DLGAP2: variants seen among roughly 807,000 people sequenced by gnomAD.
DLGAP2 encodes DLG associated protein 2, also known as disks large-associated protein 2.
In DLGAP2, 26 loss-of-function variants were observed where a neutral mutation model predicts 100.3. The observed-to-expected ratio is 0.26, with a 90% CI of 0.19 to 0.36. The LOEUF (loss-of-function observed/expected upper bound fraction) is 0.36. DLGAP2 is among the 10% of genes least tolerant of loss of function. The pLI is 1.00. For missense variants in DLGAP2, 1,858 were observed against 1,453.2 expected, an observed-to-expected ratio of 1.28 and a Z score of -4.53; for synonymous variants, 886 against 630.1, an observed-to-expected ratio of 1.41 and a Z score of -6.08.
At chr8:1,235,445 G>A (rs922409206) in intron 2 of DLGAP2, among the ~76,000 whole-genome samples, 14 of 151,826 alleles carry the variant, frequency 9.2e-5, no homozygotes, top group African/African-American at 2.7e-4. Context: ...ACATGGCGTC[G>A]TGTCTAGTTC....
At chr8:1,594,298 A>G (rs944152034) in intron 6 of DLGAP2, among the ~76,000 whole-genome samples, 2 of 152,210 alleles carry the variant, frequency 1.3e-5, no homozygotes, top group African/African-American at 4.8e-5. Flanking sequence ...GATTTATTCG[A>G]CAGAGAATTC....
Position 1,701,346 on chromosome 8 carries a change from C to A in DLGAP2, c.3108C>A (p.Ser1036=), listed in dbSNP as rs749442690. ...GAGCGGCGTCCTTCCGGCAGAATTC[C>A]GCCTCCGAGCGCGCGGACAGCATCG... ...AKRAASFRQN[S]ASERADSIEI... The change falls in exon 15 of 15, where the codon TCC becomes TCA. Residue 1036 remains serine, a synonymous_variant. Coordinates refer to ENST00000637795, the MANE Select transcript of DLGAP2 (RefSeq NM_001346810.2). 1 of 1,594,998 alleles carries A rather than the reference C, an allele frequency of 6.3e-7. No homozygotes were observed. The highest frequency in any genetic ancestry group is 8.5e-7 in the Non-Finnish European group (1 of 1,171,484).
chr8:778,653 A>G (rs79751917), intron 1 of DLGAP2, among the ~76,000 whole-genome samples: 11 of 152,164 alleles, frequency 7.2e-5, no homozygotes, highest in Middle Eastern at 3.4e-3. Flanking sequence ...TAGGCTGCTC[A>G]GGGGTCAGGG....
At chr8:955,106 GT>G (rs1476235819) in intron 2 of DLGAP2, among the ~76,000 whole-genome samples, 3 of 151,984 alleles carry the variant, frequency 2.0e-5, no homozygotes, top group Non-Finnish European at 4.4e-5. Context: ...GGCCATGAGA[GT>G]TTGAAGGTTT....
intron 3 of DLGAP2, among the ~76,000 whole-genome samples, chr8:1,478,124 A>G (rs745813195): frequency 2.6e-5 from 4 of 152,136 alleles, no homozygotes; most frequent in Non-Finnish European, 5.9e-5. Context: ...CTGCTAATTA[A>G]TGAAATGCCC....
chr8:1,140,679 T>C (rs2129050422), intron 2 of DLGAP2, among the ~76,000 whole-genome samples: 1 of 152,286 alleles, frequency 6.6e-6, no homozygotes, highest in Non-Finnish European at 1.5e-5. Flanking sequence ...TCTTTTTAAA[T>C]TCCCTGCCTT....
intron 2 of DLGAP2, among the ~76,000 whole-genome samples, chr8:1,023,202 A>T (rs1451261196): frequency 6.6e-6 from 1 of 152,110 alleles, no homozygotes; most frequent in African/African-American, 2.4e-5. Context: ...GGGCCAAGGG[A>T]CTCAAAGAGT....
intron 6 of DLGAP2, among the ~76,000 whole-genome samples, chr8:1,605,823 A>G (rs929010294): frequency 6.6e-6 from 1 of 152,208 alleles, no homozygotes; most frequent in Non-Finnish European, 1.5e-5. Context: ...TTTATCATAT[A>G]GTTGTAATAA....
rs939809783 is a variant in DLGAP2, at chr8:806,009, AAGAT to A, written c.18+68188_18+68191del. ...TAGCCCTTCCGTTTTGAGGAAGAAA[AAGAT>A]AGAATGATGCATTTTGCCAATTCCT... On this transcript the variant is annotated intron_variant, in intron 1 of 14. Coordinates refer to ENST00000637795, the MANE Select transcript of DLGAP2 (RefSeq NM_001346810.2). 1.6e-4 allele frequency among the ~76,000 whole-genome samples: 25 copies of A among 152,210 alleles called. 1 individual carries two copies. Among genetic ancestry groups the A allele is most frequent in the Non-Finnish European group, 1.5e-5 (1 of 68,050 alleles).
intron 2 of DLGAP2, among the ~76,000 whole-genome samples, chr8:1,184,573 C>T (rs765989600): frequency 3.3e-5 from 5 of 152,164 alleles, no homozygotes; most frequent in Non-Finnish European, 7.3e-5. Flanking sequence ...AACGGGTGGT[C>T]GACCTGCATC....
At chr8:762,356 A>G (rs915732655) in intron 1 of DLGAP2, among the ~76,000 whole-genome samples, 3 of 152,250 alleles carry the variant, frequency 2.0e-5, no homozygotes, top group African/African-American at 4.8e-5. Context: ...TTGTATTTGC[A>G]TATACGTCTT....
intron 8 of DLGAP2, 88 bp downstream of exon 8, chr8:1,633,134 C>A (rs1003886642): frequency 3.4e-5 from 43 of 1,260,286 alleles, no homozygotes; most frequent in Non-Finnish European, 4.7e-5. Flanking sequence ...CACACAGCAC[C>A]ACAGTACAAT....
intron 4 of DLGAP2, among the ~76,000 whole-genome samples, chr8:1,511,792 A>G (rs1290691478): frequency 6.6e-6 from 1 of 151,516 alleles, no homozygotes; most frequent in Non-Finnish European, 1.5e-5. Context: ...CAATCAGTAG[A>G]TGACCATCTT....
intron 3 of DLGAP2, among the ~76,000 whole-genome samples, chr8:1,260,033 A>G (rs1563047612): frequency 6.6e-6 from 1 of 152,284 alleles, no homozygotes; most frequent in Non-Finnish European, 1.5e-5. Context: ...CAGAGTCAAA[A>G]GTAATGTGAT....
At chr8:1,536,429 C>T (rs17748743) in intron 4 of DLGAP2, among the ~76,000 whole-genome samples, 20,972 of 152,156 alleles carry the variant, frequency 0.14, 1,813 homozygotes, top group East Asian at 0.27. Flanking sequence ...TCCATGGGGT[C>T]AGATTAGCCA....
At chr8:1,023,855 A>ATGTGTGTGTG (rs1192338772) in intron 2 of DLGAP2, among the ~76,000 whole-genome samples, 38 of 59,380 alleles carry the variant, frequency 6.4e-4, no homozygotes, top group Admixed American at 2.1e-3. Flanking sequence ...CAAACTTTAT[A>ATGTGTGTGTG]TATGTGTGTG....
chr8:917,970 GTAATGAT>G (rs1319760286), intron 2 of DLGAP2, among the ~76,000 whole-genome samples: 1 of 152,178 alleles, frequency 6.6e-6, no homozygotes, highest in Non-Finnish European at 1.5e-5. Context: ...TCTGAGATAT[GTAATGAT>G]TAATTTGTAG....
intron 3 of DLGAP2, among the ~76,000 whole-genome samples, chr8:1,316,113 C>T (rs1370819626): frequency 1.5e-5 from 2 of 129,644 alleles, no homozygotes; most frequent in Admixed American, 8.0e-5. Context: ...CACTCGGCAG[C>T]TTTTAAAAAT....
At chr8:1,414,255 T>C (rs1333396419) in intron 3 of DLGAP2, among the ~76,000 whole-genome samples, 1 of 152,206 alleles carries the variant, frequency 6.6e-6, no homozygotes, top group African/African-American at 2.4e-5. Context: ...CTGTGGACTC[T>C]TGTGGGGTTG....
Sources: gnomAD v4.1 joint callset for allele counts (sites outside exome capture counted in the v4.1 genomes callset) on GRCh38, gnomAD v4.1.1 for gene constraint, MANE v1.5 for transcripts, NCBI Gene and HGNC (gene_info 2026-07-23, HGNC 2026-07-21) for gene names.